Variants in PRKN observed in about 807,000 individuals in gnomAD.
PRKN encodes the protein parkin RBR E3 ubiquitin protein ligase.
A neutral mutation model predicts 59.5 loss-of-function variants in PRKN; 56 were observed. The ratio of observed to expected loss-of-function variants is 0.94; its 90% CI spans 0.76 to 1.18. PRKN has a LOEUF of 1.18. Ranked by LOEUF, PRKN falls within the 50% of genes most tolerant of loss-of-function variation. The pLI, the probability that PRKN is intolerant of heterozygous loss-of-function variation, is 0.00. For synonymous variants in PRKN, 250 were observed against 222.1 expected (o/e 1.13, Z -1.12); for missense variants, 657 against 596.4 (o/e 1.10, Z -1.06).
intron 7 of PRKN, among the ~76,000 whole-genome samples, chr6:161,762,418 TAAGTC>T (rs1156572665): frequency 1.5e-4 from 23 of 152,182 alleles, no homozygotes; most frequent in African/African-American, 5.3e-4. Flanking sequence ...CCAGAAGGGT[TAAGTC>T]AGGGTCTTTT....
intron 2 of PRKN, among the ~76,000 whole-genome samples, chr6:162,368,198 A>T (rs1785555517): frequency 6.6e-6 from 1 of 151,968 alleles, no homozygotes; most frequent in Non-Finnish European, 1.5e-5. Context: ...ACAGGGAATC[A>T]CTCTCACACC....
rs924879984 is a variant in PRKN at position 162,284,225 on chromosome 6, T to C, written c.172-21460A>G. On this transcript the variant is annotated intron_variant, in intron 2 of 11. Transcript: ENST00000366898. ...TTGTGTTATTTCTTTCTTTTTTTTT[T>C]TTTTTTTTTTTTTTTTGAGATAGAG... 1.2e-4 allele frequency among the ~76,000 whole-genome samples: 17 copies of C among 141,076 alleles called. No homozygotes were observed. In the South Asian group the frequency reaches 1.7e-3, roughly 14 times the overall value. 92.6% of individuals were successfully genotyped at this position (141,076 alleles called of 152,430 possible). A position where few individuals can be genotyped will look rare whatever the true frequency, so the allele number is the denominator to read the frequency against.
intron 6 of PRKN, among the ~76,000 whole-genome samples, chr6:161,806,186 C>T (rs1005925349): frequency 2.6e-5 from 4 of 152,202 alleles, no homozygotes; most frequent in East Asian, 3.9e-4. Context: ...TGCCCCACAA[C>T]ACAGTTGCTC....
At chr6:162,504,923 A>G (rs1793540771) in intron 1 of PRKN, among the ~76,000 whole-genome samples, 1 of 152,192 alleles carries the variant, frequency 6.6e-6, no homozygotes, top group Non-Finnish European at 1.5e-5. Context: ...CTGAAGAACC[A>G]CTGGCCGTAA....
In PRKN at chr6:161,470,162, C is replaced by T. The variant is rs1191610514; in HGVS notation, c.1083+78692G>A. ...AGTGAACTCTGGCTAGGGTCTAAAC[C>T]TAGACAGTCTGAGCCTTGTAACCTA... On this transcript the variant is annotated intron_variant, in intron 9 of 11. Coordinates refer to ENST00000366898, the MANE Select transcript of PRKN (RefSeq NM_004562.3). The surrounding 1 kb of genome is among the most constrained non-coding windows in gnomAD (Gnocchi z 5.1). Among the ~76,000 whole-genome samples the T allele has an allele frequency of 6.6e-6, 1 of 152,152 alleles. No individual in the cohort carries two copies. Among genetic ancestry groups the T allele is most frequent in the Non-Finnish European group, 1.5e-5 (1 of 68,038 alleles).
intron 7 of PRKN, among the ~76,000 whole-genome samples, chr6:161,756,414 C>T (rs1269503245): frequency 8.3e-6 from 1 of 120,682 alleles, no homozygotes; most frequent in Non-Finnish European, 1.6e-5. Context: ...TGCACTCCAG[C>T]CAGGGTGACA....
intron 2 of PRKN, among the ~76,000 whole-genome samples, chr6:162,415,096 T>C (rs1003530534): frequency 6.6e-6 from 1 of 152,186 alleles, no homozygotes. Flanking sequence ...CACTTCTGAA[T>C]GTTTCTGAAA....
Position 161,499,128 on chromosome 6 carries a change from A to ACG in PRKN, c.1083+49725_1083+49726insCG, listed in dbSNP as rs1476278192. On this transcript the variant is annotated intron_variant, in intron 9 of 11. Coordinates refer to ENST00000366898, the MANE Select transcript of PRKN (RefSeq NM_004562.3). The surrounding 1 kb of genome is among the most constrained non-coding windows in gnomAD (Gnocchi z 4.2). ...GAGCAGGGTCTGGACACACACACAC[A>ACG]CACATTTTTTTTTTTTTTTTGGCTC... Among the ~76,000 whole-genome samples, 1 of 108,162 alleles carries ACG rather than the reference A, an allele frequency of 9.2e-6. No individual in the cohort carries two copies. The highest frequency in any genetic ancestry group is 1.9e-5 in the Non-Finnish European group (1 of 51,962). 71.0% of individuals were successfully genotyped at this position (108,162 alleles called of 152,430 possible).
chr6:161,363,324 CTG>C lies in PRKN; in HGVS notation c.1168-3121_1168-3120del. Reference sequence around the variant, plus strand: ...AAGGTGATGATAATGGAATAAGAGACTGTCACAATTAACCAGGGAGATGTAAA... The same window carrying C: ...AAGGTGATGATAATGGAATAAGAGACTCACAATTAACCAGGGAGATGTAAA... On this transcript the variant is annotated intron_variant, in intron 10 of 11. Coordinates refer to ENST00000366898, the MANE Select transcript of PRKN (RefSeq NM_004562.3). The surrounding 1 kb of genome is among the most constrained non-coding windows in gnomAD (Gnocchi z 4.1). 6.6e-6 allele frequency among the ~76,000 whole-genome samples: 1 copy of C among 152,234 alleles called. No homozygotes were observed. Among genetic ancestry groups the C allele is most frequent in the East Asian group, 1.9e-4 (1 of 5,180 alleles).
At chr6:162,158,790 C>A (rs1443686809) in intron 4 of PRKN, among the ~76,000 whole-genome samples, 1 of 151,940 alleles carries the variant, frequency 6.6e-6, no homozygotes, top group Non-Finnish European at 1.5e-5. Flanking sequence ...CTTCATCCAA[C>A]ACGGTTTGTG....
intron 3 of PRKN, among the ~76,000 whole-genome samples, chr6:162,261,456 A>G (rs1473411932): frequency 6.6e-6 from 1 of 152,210 alleles, no homozygotes; most frequent in African/African-American, 2.4e-5. Context: ...TGTCAGTGTC[A>G]GAATGATCTT....
chr6:161,687,677 G>A (rs937757418), intron 7 of PRKN, among the ~76,000 whole-genome samples: 7 of 151,742 alleles, frequency 4.6e-5, no homozygotes, highest in African/African-American at 1.7e-4. Context: ...GGCTGGTCTC[G>A]AACTGCTAGA....
At chr6:162,092,120 A>T (rs4406201) in intron 4 of PRKN, among the ~76,000 whole-genome samples, 30 of 151,996 alleles carry the variant, frequency 2.0e-4, no homozygotes, top group African/African-American at 7.3e-4. Flanking sequence ...TTTGGGAGGC[A>T]GAGGCGGGCA....
intron 6 of PRKN, among the ~76,000 whole-genome samples, chr6:161,970,046 CATTTTTT>C (rs1200283851): frequency 6.6e-6 from 1 of 151,998 alleles, no homozygotes; most frequent in Non-Finnish European, 1.5e-5. Flanking sequence ...TTATGATTTT[CATTTTTT>C]ATTTTTTTGA....
At chr6:161,938,269 T>C (rs1439623725) in intron 6 of PRKN, among the ~76,000 whole-genome samples, 1 of 152,160 alleles carries the variant, frequency 6.6e-6, no homozygotes, top group East Asian at 1.9e-4. Context: ...CCTGGCACAT[T>C]AGAAGCATTA....
At chr6:162,502,442 G>C (rs972405821) in intron 1 of PRKN, among the ~76,000 whole-genome samples, 11 of 152,156 alleles carry the variant, frequency 7.2e-5, no homozygotes, top group Non-Finnish European at 1.6e-4. Flanking sequence ...ACAGCTGTGA[G>C]CCACCTTGCC....
chr6:161,507,848 C>T (rs1393623877), intron 9 of PRKN, among the ~76,000 whole-genome samples: 2 of 152,188 alleles, frequency 1.3e-5, no homozygotes, highest in African/African-American at 4.8e-5. Context: ...CCCTGACCAC[C>T]CAAGTAAGCT....
At chr6:162,375,742 TAC>T (rs60180187) in intron 2 of PRKN, among the ~76,000 whole-genome samples, 4,152 of 148,790 alleles carry the variant, frequency 0.028, 116 homozygotes, top group East Asian at 0.072. Flanking sequence ...TATGGCTTTG[TAC>T]ACACACACAC....
Position 161,356,425 on chromosome 6 carries a change from C to T in PRKN, c.1285+3663G>A, listed in dbSNP as rs1292713878. On this transcript the variant is annotated intron_variant, in intron 11 of 11. Transcript: ENST00000366898. The surrounding 1 kb of genome is among the most constrained non-coding windows in gnomAD (Gnocchi z 7.8). ...TGGTTGCAATGTCAGTGGGGACCCCCGGGGGGAAGGGCAGGACTGACATGG... is the reference window on the plus strand; with the variant it reads ...TGGTTGCAATGTCAGTGGGGACCCCTGGGGGGAAGGGCAGGACTGACATGG... Among the ~76,000 whole-genome samples, 2 of 152,120 alleles carry T rather than the reference C, an allele frequency of 1.3e-5. No homozygotes were observed. Among genetic ancestry groups the T allele is most frequent in the African/African-American group, 4.8e-5 (2 of 41,426 alleles).
Sources: gnomAD v4.1 joint callset for allele counts (sites outside exome capture counted in the v4.1 genomes callset) on GRCh38, gnomAD v4.1.1 for gene constraint, Gnocchi (gnomAD v3.1) non-coding constraint, MANE v1.5 for transcripts, NCBI Gene and HGNC (gene_info 2026-07-23, HGNC 2026-07-21) for gene names.